SATB2: variants seen among roughly 807,000 people sequenced by gnomAD.
The protein encoded by SATB2 is DNA-binding protein SATB2.
SATB2 carries 1 observed loss-of-function variant against 73.4 expected under a neutral mutation model. That is an observed-to-expected ratio of 0.01 (90% CI 0.00 to 0.06). The LOEUF (loss-of-function observed/expected upper bound fraction) is 0.06, where lower values mean the gene tolerates loss of function less well. Among genes scored for constraint, SATB2 ranks in the 10% least tolerant of loss-of-function variants. SATB2 has a pLI of 1.00. For synonymous variants in SATB2, 397 were observed against 367.0 expected, an observed-to-expected ratio of 1.08 and a Z score of -0.93; for missense variants, 459 against 945.8, an observed-to-expected ratio of 0.49 and a Z score of 6.75.
intron 3 of SATB2, among the ~76,000 whole-genome samples, chr2:199,394,753 A>G (rs1238120862): frequency 1.3e-5 from 2 of 152,142 alleles, no homozygotes; most frequent in African/African-American, 2.4e-5. Context: ...ATAAATATAG[A>G]CAAAAGCCTG....
chr2:199,275,095 T>C (rs373615097), intron 10 of SATB2, among the ~76,000 whole-genome samples: 1 of 152,320 alleles, frequency 6.6e-6, no homozygotes. Context: ...TGCCCCATTT[T>C]CTAAATTATG....
At chr2:199,334,346 G>A (rs964554576) in intron 7 of SATB2, among the ~76,000 whole-genome samples, 6 of 152,132 alleles carry the variant, frequency 3.9e-5, no homozygotes, top group African/African-American at 4.8e-5. Flanking sequence ...AAAGGTATAT[G>A]ATTCAGAACA....
intron 6 of SATB2, among the ~76,000 whole-genome samples, chr2:199,356,808 T>C (rs1688998505): frequency 6.6e-6 from 1 of 152,132 alleles, no homozygotes; most frequent in South Asian, 2.1e-4. Flanking sequence ...ACTACTAACA[T>C]ACCTTTTTCA....
At chr2:199,440,573 G>A (rs1691786938) in intron 2 of SATB2, among the ~76,000 whole-genome samples, 2 of 152,176 alleles carry the variant, frequency 1.3e-5, no homozygotes, top group Admixed American at 6.5e-5. Context: ...TCATTTGGAT[G>A]CAAAGGGAGC....
chr2:199,465,722 T>G (rs549572522), upstream of SATB2, among the ~76,000 whole-genome samples: 190 of 152,370 alleles, frequency 1.2e-3, no homozygotes, highest in African/African-American at 4.4e-3. Flanking sequence ...TGATATATAC[T>G]TTTTTCGTTT....
chr2:199,412,866 T>C (rs1477275534), intron 3 of SATB2, among the ~76,000 whole-genome samples: 1 of 152,216 alleles, frequency 6.6e-6, no homozygotes, highest in East Asian at 1.9e-4. Context: ...ATGGAGAATG[T>C]AGCTAACTAT....
chr2:199,288,655 T>C (rs1274866939), intron 10 of SATB2, among the ~76,000 whole-genome samples: 1 of 152,162 alleles, frequency 6.6e-6, no homozygotes, highest in African/African-American at 2.4e-5. Flanking sequence ...AACCACTTAA[T>C]AACAGGACTT....
At chr2:199,470,179 G>C (rs1021706546) in intron 1 of SATB2, 1 of 152,376 alleles carries the variant, frequency 6.6e-6, no homozygotes, top group Non-Finnish European at 1.5e-5. Flanking sequence ...GGAGAAGGTC[G>C]TCACAGTCTC....
chr2:199,401,148 G>A (rs138721118), intron 3 of SATB2, among the ~76,000 whole-genome samples: 73 of 152,214 alleles, frequency 4.8e-4, no homozygotes, highest in African/African-American at 1.5e-3. Context: ...CATACAGGAT[G>A]GTGAACAAGA....
intron 10 of SATB2, among the ~76,000 whole-genome samples, chr2:199,280,153 T>C (rs1243794209): frequency 6.6e-6 from 1 of 152,218 alleles, no homozygotes; most frequent in Non-Finnish European, 1.5e-5. Context: ...ACTTTTATAA[T>C]TTCTTACGCC....
intron 3 of SATB2, among the ~76,000 whole-genome samples, chr2:199,411,032 T>C (rs572580848): frequency 1.5e-4 from 23 of 152,204 alleles, no homozygotes; most frequent in African/African-American, 5.3e-4. Flanking sequence ...ATACATGGCA[T>C]TTATTAATCT....
intron 6 of SATB2, among the ~76,000 whole-genome samples, chr2:199,364,884 A>G (rs1047138930): frequency 6.6e-6 from 1 of 152,118 alleles, no homozygotes; most frequent in Non-Finnish European, 1.5e-5. Context: ...TTTTTATTAT[A>G]TCCCCCCAAA....
At chr2:199,301,733 G>T (rs1402386358) in intron 10 of SATB2, among the ~76,000 whole-genome samples, 1 of 152,172 alleles carries the variant, frequency 6.6e-6, no homozygotes, top group Non-Finnish European at 1.5e-5. Flanking sequence ...GCAGGCCAAG[G>T]TGTGGAGGAG....
At chr2:199,466,928 G>T (rs932661697), upstream of SATB2, among the ~76,000 whole-genome samples, 6 of 152,242 alleles carry the variant, frequency 3.9e-5, no homozygotes, top group Admixed American at 3.3e-4. Context: ...GTTTATAGCA[G>T]GTTTAATTAA....
chr2:199,456,284 C>G (rs1228007215), intron 1 of SATB2, among the ~76,000 whole-genome samples, 188 bp from the exon 2 acceptor site: 1 of 152,230 alleles, frequency 6.6e-6, no homozygotes, highest in Non-Finnish European at 1.5e-5. Flanking sequence ...CCCAGGAAGC[C>G]CAGCGCCTCG....
rs957447534 is a variant in SATB2, at chr2:199,271,676, GTTT to G, written c.*532_*534del. ...AGCCAAAGCGACTCACTGTGAAGTG[GTTT>G]TTTTAATACATAAACAAGTCTTTTC... is the stretch of plus-strand genomic sequence containing the variant. On this transcript the variant is annotated 3_prime_UTR_variant, in exon 11 of 11. Transcript: ENST00000417098. 2.0e-5 allele frequency: 3 copies of G among 153,016 alleles called. No individual in the cohort carries two copies. Among genetic ancestry groups the G allele is most frequent in the African/African-American group, 7.3e-5 (3 of 41,312 alleles). The allele number at this position is 153,016 out of a possible 1,614,324, so 9.5% of individuals were successfully genotyped here.
intron 6 of SATB2, among the ~76,000 whole-genome samples, chr2:199,366,635 C>T (rs979980809): frequency 6.6e-6 from 1 of 152,044 alleles, no homozygotes; most frequent in Non-Finnish European, 1.5e-5. Context: ...CCTACTGACA[C>T]ACACACAGAC....
intron 10 of SATB2, among the ~76,000 whole-genome samples, chr2:199,284,128 A>T (rs1692614531): frequency 6.6e-6 from 1 of 152,214 alleles, no homozygotes; most frequent in South Asian, 2.1e-4. Flanking sequence ...GTTTTGAAAA[A>T]CTTGTAGTGG....
chr2:199,454,004 A>C (rs1692203042), intron 2 of SATB2, among the ~76,000 whole-genome samples: 1 of 152,256 alleles, frequency 6.6e-6, no homozygotes, highest in East Asian at 1.9e-4. Flanking sequence ...GGTTGAAACA[A>C]ATCTATTATT....
Sources: allele counts gnomAD v4.1 joint callset (sites outside exome capture counted in the v4.1 genomes callset), GRCh38; gene constraint gnomAD v4.1.1; transcripts MANE v1.5; gene names NCBI Gene and HGNC (gene_info 2026-07-23, HGNC 2026-07-21).